Variants in NME4 observed in about 807,000 individuals in gnomAD.
NME4 encodes nucleoside diphosphate kinase D, mitochondrial.
A neutral mutation model predicts 16.4 loss-of-function variants in NME4; 21 were observed. That is an observed-to-expected ratio of 1.28 (90% CI 0.91 to 1.84). NME4 has a LOEUF of 1.84. NME4 is among the 40% of genes most tolerant of loss of function. The probability of loss-of-function intolerance (pLI) is 0.00; values close to 1 mark genes in which losing one functional copy is unlikely to be tolerated. For synonymous variants in NME4, 132 were observed against 107.5 expected (o/e 1.23, Z -1.41); for missense variants, 316 against 261.3 (o/e 1.21, Z -1.44).
At position 400,276 on chromosome 16, in the gene NME4, G is replaced by T. The variant is rs1426673118; in HGVS notation, c.498G>T (p.Trp166Cys). The change falls in exon 5 of 5, where the codon TGG becomes TGT. Residue 166 changes from tryptophan (W) to cysteine (C), a missense_variant. By Grantham distance (215) the Trp-to-Cys change is radical. Transcript: ENST00000219479. ...VEGAQREIQL[W>C]FQSSELVSWA... is the part of the protein sequence containing the mutation. ...GGGCCCAGCGGGAGATCCAGCTGTG[G>T]TTCCAGAGCAGTGAGCTGGTGAGCT... 8.1e-6 allele frequency: 13 copies of T among 1,605,790 alleles called. No homozygotes were observed. Among genetic ancestry groups the T allele is most frequent in the Non-Finnish European group, 1.1e-5 (13 of 1,175,380 alleles).
intron 1 of NME4, among the ~76,000 whole-genome samples, 188 bp downstream of exon 1, chr16:397,501 G>A (rs946961526): frequency 7.3e-6 from 1 of 136,886 alleles, no homozygotes; most frequent in African/African-American, 2.7e-5. Context: ...GTGCCCGTCC[G>A]GCTCTGCGGC....
rs2054621286 is a variant in NME4 at position 399,832 on chromosome 16, T to C, written c.440+93T>C. 6.6e-6 allele frequency: 7 copies of C among 1,056,910 alleles called. No homozygotes were observed. In the Admixed American group the frequency reaches 1.3e-4, roughly 20 times the overall value. The allele number at this position is 1,056,910 out of a possible 1,614,324, so 65.5% of individuals were successfully genotyped here. ...GATCCACGAGACCTGGCTGTCTTGC[T>C]GTGCTAGGATGAAGCCAGGTCGGAC... On this transcript the variant is annotated intron_variant, in intron 4 of 4. Coordinates refer to ENST00000219479, the MANE Select transcript of NME4 (RefSeq NM_005009.3).
Position 397,948 on chromosome 16 carries a change from A to G in NME4, c.91+635A>G, listed in dbSNP as rs111466606. 5.7e-3 allele frequency: 8,761 copies of G among 1,547,294 alleles called. 122 individuals are homozygous for G. Among genetic ancestry groups the G allele is most frequent in the African/African-American group, 0.043 (3,155 of 73,102 alleles). ...CCCGCACCAGCCGCAGCAGAGCCCC[A>G]GGCTACACAAGGCGCCCTGCAAACT... is the stretch of plus-strand genomic sequence containing the variant. On this transcript the variant is annotated intron_variant, in intron 1 of 4. Coordinates refer to ENST00000219479, the MANE Select transcript of NME4 (RefSeq NM_005009.3).
chr16:400,014 G>A (rs958098339), intron 4 of NME4: 3 of 777,770 alleles, frequency 3.9e-6, no homozygotes, highest in Admixed American at 2.4e-5. Flanking sequence ...GCTCCCAAAA[G>A]CTGGGGCCTG....
chr16:397,817 C>A (rs1433489439), intron 1 of NME4: 4 of 1,492,810 alleles, frequency 2.7e-6, no homozygotes, highest in Non-Finnish European at 3.6e-6. Context: ...GGCCCCAAGT[C>A]CCCGGCCCCG....
chr16:397,016 G>A (rs115064321), upstream of NME4: 3 of 153,318 alleles, frequency 2.0e-5, no homozygotes, highest in Non-Finnish European at 4.3e-5. Context: ...ATTCGAGAAG[G>A]ATTCATTATT....
At chr16:398,714 C>T (rs756199838) in intron 1 of NME4, 16 of 531,420 alleles carry the variant, frequency 3.0e-5, no homozygotes, top group Non-Finnish European at 3.7e-5. Context: ...CCCTGAACCT[C>T]GGGGCGATCT....
chr16:399,356 C>G (rs1449615315), intron 2 of NME4, 23 bp from the exon 3 acceptor site: 1 of 1,609,942 alleles, frequency 6.2e-7, no homozygotes, highest in Admixed American at 1.7e-5. Flanking sequence ...TCTGCGGCTC[C>G]TCCTTACCTC....
At chr16:397,930 C>G (rs192908363) in intron 1 of NME4, 1 of 1,550,162 alleles carries the variant, frequency 6.5e-7, no homozygotes. Flanking sequence ...ATGCCCGCAC[C>G]AGCCGCAGCA....
chr16:397,399 TG>T, intron 1 of NME4, 86 bp downstream of exon 1: 1 of 490,504 alleles, frequency 2.0e-6, no homozygotes. Flanking sequence ...ACGTGCGGGC[TG>T]GGGTCCGACT....
At chr16:397,933 C>T (rs1012733771) in intron 1 of NME4, 1 of 1,550,204 alleles carries the variant, frequency 6.5e-7, no homozygotes. Flanking sequence ...CCCGCACCAG[C>T]CGCAGCAGAG....
At chr16:398,959 G>C in intron 1 of NME4, 31 bp from the exon 2 acceptor site, 1 of 1,607,758 alleles carries the variant, frequency 6.2e-7, no homozygotes, top group Non-Finnish European at 8.5e-7. Context: ...AGGGTGAGGT[G>C]GCAGTGCCTC....
chr16:398,459 C>T (rs1483727482), intron 1 of NME4: 4 of 1,144,114 alleles, frequency 3.5e-6, no homozygotes, highest in Non-Finnish European at 2.2e-6. Context: ...CTGGGTTCTT[C>T]CTCATGTGGA....
intron 1 of NME4, 24 bp from the exon 2 acceptor site, chr16:398,966 C>A: frequency 6.2e-7 from 1 of 1,608,646 alleles, no homozygotes. Context: ...GGTGGCAGTG[C>A]CTCTGACCTC....
chr16:400,035 C>G, intron 4 of NME4, 184 bp from the exon 5 acceptor site: 1 of 928,466 alleles, frequency 1.1e-6, no homozygotes, highest in Non-Finnish European at 1.7e-6. Flanking sequence ...GGCGGGTCCA[C>G]GAGGCTGTAA....
At chr16:400,165 T>C (rs448063) in intron 4 of NME4, 54 bp from the exon 5 acceptor site, 738,862 of 1,606,514 alleles carry the variant, frequency 0.46, 177,115 homozygotes, top group African/African-American at 0.81. Flanking sequence ...GTCCCTGGGA[T>C]TCCTCAGGGT....
Position 400,302 on chromosome 16 carries a change from G to T in NME4, c.524G>T (p.Trp175Leu). The T allele has an allele frequency of 6.2e-7, 1 of 1,606,636 alleles. No homozygotes were observed. Among genetic ancestry groups the T allele is most frequent in the South Asian group, 1.1e-5 (1 of 90,786 alleles). ...TTCCAGAGCAGTGAGCTGGTGAGCTGGGCAGACGGGGGCCAGCACAGCAGC... is the reference window on the plus strand; with the variant it reads ...TTCCAGAGCAGTGAGCTGGTGAGCTTGGCAGACGGGGGCCAGCACAGCAGC... The part of the protein sequence containing the change: ...LWFQSSELVS[W>L]ADGGQHSSIH... The change falls in exon 5 of 5, where the codon TGG becomes TTG. Residue 175 changes from tryptophan (W) to leucine (L), a missense_variant. Coordinates refer to ENST00000219479, the MANE Select transcript of NME4 (RefSeq NM_005009.3).
At chr16:397,798 G>A (rs1052048799) in intron 1 of NME4, 11 of 1,513,840 alleles carry the variant, frequency 7.3e-6, no homozygotes, top group Admixed American at 2.0e-5. Flanking sequence ...GAATCTGACT[G>A]GGACGTCAGG....
chr16:397,985 G>A (rs1567334112), intron 1 of NME4: 2 of 1,543,042 alleles, frequency 1.3e-6, no homozygotes, highest in Non-Finnish European at 1.7e-6. Context: ...GGTTTTGGGG[G>A]AACAAACCAA....
Sources: gnomAD v4.1 joint callset for allele counts (sites outside exome capture counted in the v4.1 genomes callset) on GRCh38, gnomAD v4.1.1 for gene constraint, MANE v1.5 for transcripts, NCBI Gene and HGNC (gene_info 2026-07-23, HGNC 2026-07-21) for gene names.